The following MRPS5 variants were observed in gnomAD, a reference collection of about 807,000 sequenced individuals.
The protein encoded by MRPS5 is small ribosomal subunit protein uS5m.
MRPS5 carries 27 observed loss-of-function variants against 51.9 expected under a neutral mutation model. That is an observed-to-expected ratio of 0.52 (90% CI 0.38 to 0.72). The LOEUF (loss-of-function observed/expected upper bound fraction) is 0.72. Among genes scored for constraint, MRPS5 ranks in the 30% least tolerant of loss-of-function variants. The probability of loss-of-function intolerance (pLI) is 0.00; values close to 1 mark genes in which losing one functional copy is unlikely to be tolerated. For synonymous variants in MRPS5, 196 were observed against 193.2 expected (o/e 1.01, Z -0.12); for missense variants, 570 against 545.7 (o/e 1.04, Z -0.44).
At chr2:95,119,613 A>G (rs983581792) in intron 1 of MRPS5, among the ~76,000 whole-genome samples, 41 of 141,204 alleles carry the variant, frequency 2.9e-4, no homozygotes, top group African/African-American at 1.0e-3. Context: ...CCCTGTCTCG[A>G]AAAAAAAAAA....
intron 6 of MRPS5, among the ~76,000 whole-genome samples, chr2:95,105,034 T>C (rs1429782598): frequency 6.6e-6 from 1 of 152,204 alleles, no homozygotes; most frequent in Non-Finnish European, 1.5e-5. Flanking sequence ...ATGAATGTAT[T>C]ACAAGAAAGA....
At chr2:95,121,693 G>T (rs1164563185) in intron 1 of MRPS5, 41 bp downstream of exon 1, 1 of 1,523,334 alleles carries the variant, frequency 6.6e-7, no homozygotes, top group East Asian at 2.6e-5. Context: ...CCCCACTCCC[G>T]GCCCGCTCAG....
rs769551208 is a variant in MRPS5 at position 95,115,209 on chromosome 2, G to A, written c.140-6C>T. On this transcript the variant is annotated splice_region_variant and splice_polypyrimidine_tract_variant and intron_variant, in intron 2 of 11. Coordinates refer to ENST00000272418, the MANE Select transcript of MRPS5 (RefSeq NM_031902.5). Reference sequence around the variant, plus strand: ...TCCCAGTGATGACAAATGGCCTGTAGGCAGATGGGTTAAACTTTGAGTTAG... The same window carrying A: ...TCCCAGTGATGACAAATGGCCTGTAAGCAGATGGGTTAAACTTTGAGTTAG... The A allele has an allele frequency of 1.4e-5, 22 of 1,583,972 alleles. No individual in the cohort carries two copies. Among genetic ancestry groups the A allele is most frequent in the Non-Finnish European group, 1.8e-5 (21 of 1,169,918 alleles).
At chr2:95,103,200 C>G (rs1398987456) in intron 7 of MRPS5, among the ~76,000 whole-genome samples, 1 of 152,120 alleles carries the variant, frequency 6.6e-6, no homozygotes, top group Non-Finnish European at 1.5e-5. Flanking sequence ...AAACCTAAGT[C>G]AAAATATCTG....
chr2:95,116,976 A>G (rs1676301402), intron 2 of MRPS5, among the ~76,000 whole-genome samples: 1 of 152,192 alleles, frequency 6.6e-6, no homozygotes, highest in Admixed American at 6.5e-5. Context: ...CCCCGTCTCT[A>G]CTAAAAATAC....
chr2:95,105,890 T>C (rs1342164744), intron 6 of MRPS5, among the ~76,000 whole-genome samples: 1 of 152,196 alleles, frequency 6.6e-6, no homozygotes, highest in Non-Finnish European at 1.5e-5. Flanking sequence ...GAGCATTCAG[T>C]GCCAGCTCAA....
intron 4 of MRPS5, among the ~76,000 whole-genome samples, chr2:95,109,185 TAAAA>T (rs960459127): frequency 6.6e-6 from 1 of 150,604 alleles, no homozygotes; most frequent in African/African-American, 2.4e-5. Flanking sequence ...TCTTATAATT[TAAAA>T]AAAAAGTGTT....
In MRPS5 at chr2:95,121,562, G is replaced by A. The variant is rs528796134; in HGVS notation, c.58+172C>T. ...ACAAGAGCTCCGCGACCCAGAGAGGGAGAGGACGCGCGCAAGGTCACACAG... is the reference window on the plus strand; with the variant it reads ...ACAAGAGCTCCGCGACCCAGAGAGGAAGAGGACGCGCGCAAGGTCACACAG... On this transcript the variant is annotated intron_variant, in intron 1 of 11. Coordinates refer to ENST00000272418, the MANE Select transcript of MRPS5 (RefSeq NM_031902.5). Among the ~76,000 whole-genome samples, 117 of 152,368 alleles carry A rather than the reference G, an allele frequency of 7.7e-4. No individual in the cohort carries two copies. The East Asian group carries it at 8.5e-3, about 11-fold the overall frequency.
At chr2:95,089,984 C>T (rs1240748259) in intron 11 of MRPS5, among the ~76,000 whole-genome samples, 4 of 151,180 alleles carry the variant, frequency 2.6e-5, no homozygotes, top group African/African-American at 4.9e-5. Flanking sequence ...GAGACCATCC[C>T]GGCTAAAACG....
chr2:95,114,488 G>A (rs919887862), intron 3 of MRPS5, among the ~76,000 whole-genome samples: 2 of 152,054 alleles, frequency 1.3e-5, no homozygotes, highest in Admixed American at 6.6e-5. Flanking sequence ...TGCCAGGATG[G>A]TCTTGATCTC....
chr2:95,112,127 C>T (rs111381208), intron 3 of MRPS5, among the ~76,000 whole-genome samples: 20 of 152,190 alleles, frequency 1.3e-4, no homozygotes, highest in South Asian at 8.3e-4. Context: ...TGCAATGGCA[C>T]GATCTCGGCT....
intron 7 of MRPS5, among the ~76,000 whole-genome samples, chr2:95,102,519 A>G (rs1436277730): frequency 2.0e-5 from 3 of 152,126 alleles, no homozygotes; most frequent in Non-Finnish European, 2.9e-5. Flanking sequence ...AAAATTAGCC[A>G]GGCATAGTGG....
At chr2:95,101,513 T>C (rs1675801634) in intron 8 of MRPS5, among the ~76,000 whole-genome samples, 164 bp downstream of exon 8, 2 of 151,982 alleles carry the variant, frequency 1.3e-5, no homozygotes, top group African/African-American at 4.8e-5. Flanking sequence ...CAAAGGAATA[T>C]AAGTACTTCT....
rs1675288513 is a variant in MRPS5, at chr2:95,086,382, A to G, written c.*975T>C. On this transcript the variant is annotated 3_prime_UTR_variant, in exon 12 of 12. Coordinates refer to ENST00000272418, the MANE Select transcript of MRPS5 (RefSeq NM_031902.5). ...AATGGAAATTTTAACTGAAATATAC[A>G]ATGACAGTCAAAGTTAAAGTACTGC... Among the ~76,000 whole-genome samples the G allele has an allele frequency of 6.6e-6, 1 of 152,246 alleles. No homozygotes were observed. The highest frequency in any genetic ancestry group is 1.5e-5 in the Non-Finnish European group (1 of 68,036).
chr2:95,104,814 A>G (rs1675903641), intron 6 of MRPS5, 84 bp from the exon 7 acceptor site: 1 of 1,183,726 alleles, frequency 8.4e-7, no homozygotes, highest in Non-Finnish European at 1.2e-6. Flanking sequence ...CCTTGCAGGC[A>G]TACACGGTGA....
intron 10 of MRPS5, among the ~76,000 whole-genome samples, chr2:95,098,961 C>A (rs1184866563): frequency 2.0e-5 from 3 of 148,928 alleles, no homozygotes; most frequent in Non-Finnish European, 4.4e-5. Flanking sequence ...CTCTTTTACC[C>A]AAGCTGGACT....
chr2:95,116,617 T>C (rs1169255986), intron 2 of MRPS5, among the ~76,000 whole-genome samples: 1 of 152,260 alleles, frequency 6.6e-6, no homozygotes, highest in African/African-American at 2.4e-5. Flanking sequence ...GTTTTGGTTT[T>C]GTTCTTATTC....
chr2:95,109,534 T>G lies in MRPS5; in HGVS notation c.403+382A>C, dbSNP rs147898409. Among the ~76,000 whole-genome samples the G allele has an allele frequency of 4.9e-3, 754 of 152,372 alleles. 9 individuals carry two copies. Among genetic ancestry groups the G allele is most frequent in the African/African-American group, 0.018 (731 of 41,576 alleles). ...TGTGGCTGTTTCTGTGCTACAACAG[T>G]AGAGTTGAGCAGTTGCAAAACAGAC... is the stretch of plus-strand genomic sequence containing the variant. On this transcript the variant is annotated intron_variant, in intron 4 of 11. Transcript: ENST00000272418.
At chr2:95,088,028 C>T (rs1342067865) in intron 11 of MRPS5, among the ~76,000 whole-genome samples, 2 of 2,882 alleles carry the variant, frequency 6.9e-4, no homozygotes, top group African/African-American at 2.0e-3. Flanking sequence ...AAATCATAAG[C>T]GGGGCGGGGG....
Sources: allele counts gnomAD v4.1 joint callset (sites outside exome capture counted in the v4.1 genomes callset), GRCh38; gene constraint gnomAD v4.1.1; transcripts MANE v1.5; gene names NCBI Gene and HGNC (gene_info 2026-07-23, HGNC 2026-07-21).